SLC7A7: variants seen among roughly 807,000 people sequenced by gnomAD.
SLC7A7 encodes the protein Y+L amino acid transporter 1.
In SLC7A7, 39 loss-of-function variants were observed where a neutral mutation model predicts 47.9. That is an observed-to-expected ratio of 0.81 (90% confidence interval 0.63 to 1.06). The LOEUF is 1.06. SLC7A7 is among the 50% of genes least tolerant of loss of function. SLC7A7 has a pLI of 0.00. For synonymous variants in SLC7A7, 234 were observed against 242.8 expected (o/e 0.96, Z 0.34); for missense variants, 588 against 632.0 (o/e 0.93, Z 0.75).
At chr14:22,775,970 A>T (rs765431039) in intron 5 of SLC7A7, 34 bp from the exon 6 acceptor site, 1 of 1,554,148 alleles carries the variant, frequency 6.4e-7, no homozygotes, top group Admixed American at 1.7e-5. Flanking sequence ...CATTAGCAGG[A>T]TCTAAAAGGG....
At chr14:22,777,569 G>A (rs2038637733) in intron 4 of SLC7A7, among the ~76,000 whole-genome samples, 1 of 131,080 alleles carries the variant, frequency 7.6e-6, no homozygotes, top group Non-Finnish European at 1.6e-5. Flanking sequence ...CAGTAAGGCT[G>A]CCAAAAAAAA....
In SLC7A7 at chr14:22,773,575, A is replaced by T; in HGVS notation, c.*35T>A. 1 of 1,574,346 alleles carries T rather than the reference A, an allele frequency of 6.4e-7. No homozygotes were observed. The highest frequency in any genetic ancestry group is 1.1e-5 in the South Asian group (1 of 90,158). On this transcript the variant is annotated 3_prime_UTR_variant, in exon 10 of 10. Coordinates refer to ENST00000674313, the MANE Select transcript of SLC7A7 (RefSeq NM_003982.4). ...CTTAGCTCTAGCCAGTAGACCAGAA[A>T]CCCCTGCTTTCCACATCAGGATTCC...
At chr14:22,812,326 C>A (rs2039323478) in intron 2 of SLC7A7, among the ~76,000 whole-genome samples, 3 of 151,904 alleles carry the variant, frequency 2.0e-5, no homozygotes, top group Admixed American at 2.0e-4. Context: ...GCCACCACAC[C>A]CAGCTAATTT....
At chr14:22,794,410 C>A (rs2038977078) in intron 2 of SLC7A7, among the ~76,000 whole-genome samples, 1 of 152,154 alleles carries the variant, frequency 6.6e-6, no homozygotes, top group African/African-American at 2.4e-5. Context: ...CAGTTTGTAC[C>A]AGGAGGGTCT....
intron 6 of SLC7A7, 132 bp downstream of exon 6, chr14:22,775,701 C>A (rs2038588810): frequency 1.1e-6 from 1 of 923,012 alleles, no homozygotes; most frequent in South Asian, 1.3e-5. Flanking sequence ...CTGCAGGCTT[C>A]TGCTAGAAAC....
At chr14:22,777,593 G>A (rs1366990946) in intron 4 of SLC7A7, among the ~76,000 whole-genome samples, 2 of 152,148 alleles carry the variant, frequency 1.3e-5, no homozygotes, top group Non-Finnish European at 2.9e-5. Context: ...ACAAAGTGGG[G>A]CAAATACTCT....
At chr14:22,793,472 G>A (rs2038961583) in intron 2 of SLC7A7, among the ~76,000 whole-genome samples, 1 of 152,084 alleles carries the variant, frequency 6.6e-6, no homozygotes, top group Non-Finnish European at 1.5e-5. Flanking sequence ...TCTTGCCTGG[G>A]GACTAGATTG....
intron 2 of SLC7A7, among the ~76,000 whole-genome samples, chr14:22,781,587 T>C (rs891548229): frequency 1.3e-5 from 2 of 152,156 alleles, no homozygotes; most frequent in South Asian, 4.2e-4. Flanking sequence ...AAGACACAAG[T>C]GTGCAGCACC....
chr14:22,782,038 C>T (rs1268394733), intron 2 of SLC7A7, among the ~76,000 whole-genome samples: 2 of 152,202 alleles, frequency 1.3e-5, no homozygotes, highest in South Asian at 2.1e-4. Flanking sequence ...AACCAATTCA[C>T]CACCTGCTAC....
At chr14:22,803,327 A>G (rs1018232487) in intron 2 of SLC7A7, among the ~76,000 whole-genome samples, 2 of 152,166 alleles carry the variant, frequency 1.3e-5, no homozygotes, top group Non-Finnish European at 2.9e-5. Context: ...CTGAGGAAGG[A>G]GAATCGCTTG....
intron 2 of SLC7A7, among the ~76,000 whole-genome samples, chr14:22,808,653 T>C: frequency 6.6e-6 from 1 of 151,934 alleles, no homozygotes; most frequent in Admixed American, 6.6e-5. Flanking sequence ...TTAAAGAAAA[T>C]TAAAAAACAA....
intron 2 of SLC7A7, among the ~76,000 whole-genome samples, chr14:22,796,258 G>C (rs1264300280): frequency 6.6e-6 from 1 of 152,070 alleles, no homozygotes; most frequent in East Asian, 1.9e-4. Context: ...CAGTCATTCT[G>C]GTACCAGGAG....
At chr14:22,786,286 C>G (rs1374468351) in intron 2 of SLC7A7, among the ~76,000 whole-genome samples, 1 of 148,830 alleles carries the variant, frequency 6.7e-6, no homozygotes, top group Non-Finnish European at 1.5e-5. Context: ...GCACTGCACT[C>G]CAGCCTGGCC....
chr14:22,783,146 C>T (rs976292769), intron 2 of SLC7A7, among the ~76,000 whole-genome samples: 18 of 151,894 alleles, frequency 1.2e-4, no homozygotes, highest in Admixed American at 9.2e-4. Flanking sequence ...GTTGGTCAGG[C>T]TGGTCTCGAA....
chr14:22,796,323 C>T (rs1487505902), intron 2 of SLC7A7, among the ~76,000 whole-genome samples: 2 of 152,164 alleles, frequency 1.3e-5, no homozygotes, highest in Non-Finnish European at 2.9e-5. Context: ...ATCCAAAGTC[C>T]TTCACAGCCC....
At chr14:22,784,638 C>T (rs2038782132) in intron 2 of SLC7A7, among the ~76,000 whole-genome samples, 1 of 151,530 alleles carries the variant, frequency 6.6e-6, no homozygotes, top group Non-Finnish European at 1.5e-5. Context: ...AGAGAAGTCA[C>T]TCCTATAACC....
chr14:22,816,292 C>A (rs2039406213), upstream of SLC7A7: 1 of 153,270 alleles, frequency 6.5e-6, no homozygotes, highest in East Asian at 1.9e-4. Context: ...GAGATCAAGA[C>A]CATCCTGGCT....
intron 5 of SLC7A7, 83 bp downstream of exon 5, chr14:22,776,112 C>G: frequency 1.3e-6 from 2 of 1,586,880 alleles, no homozygotes; most frequent in Non-Finnish European, 1.7e-6. Flanking sequence ...GCTGTCTACC[C>G]CCTTTCCAGG....
chr14:22,787,944 G>C (rs2038848357), intron 2 of SLC7A7, among the ~76,000 whole-genome samples: 1 of 150,936 alleles, frequency 6.6e-6, no homozygotes, highest in African/African-American at 2.4e-5. Flanking sequence ...GTGGTGGCGG[G>C]TGCCTGTAGT....
Sources: allele counts gnomAD v4.1 joint callset (sites outside exome capture counted in the v4.1 genomes callset), GRCh38; gene constraint gnomAD v4.1.1; transcripts MANE v1.5; gene names NCBI Gene and HGNC (gene_info 2026-07-23, HGNC 2026-07-21).